CDK14: variants seen among roughly 807,000 people sequenced by gnomAD.
The protein encoded by CDK14 is cyclin dependent kinase 14, also known as cyclin-dependent kinase 14.
A neutral mutation model predicts 60.7 loss-of-function variants in CDK14; 34 were observed. The ratio of observed to expected loss-of-function variants is 0.56; its 90% confidence interval spans 0.43 to 0.75. The LOEUF is 0.75. Ranked by LOEUF, CDK14 falls within the 30% of genes least tolerant of loss-of-function variation. The pLI, the probability that CDK14 is intolerant of heterozygous loss-of-function variation, is 0.00. For missense variants in CDK14, 482 were observed against 564.1 expected (o/e 0.85, Z 1.47); for synonymous variants, 197 against 203.7 (o/e 0.97, Z 0.28).
chr7:90,738,199 A>G (rs1347191167), intron 3 of CDK14, among the ~76,000 whole-genome samples: 1 of 152,230 alleles, frequency 6.6e-6, no homozygotes, highest in Non-Finnish European at 1.5e-5. Flanking sequence ...TAGTTCTGCC[A>G]GTAACTATAG....
intron 14 of CDK14, among the ~76,000 whole-genome samples, chr7:91,187,602 GAC>G (rs1802229990): frequency 6.6e-6 from 1 of 152,162 alleles, no homozygotes; most frequent in African/African-American, 2.4e-5. Context: ...TAAGGACACA[GAC>G]ACACACGAGG....
chr7:91,177,621 A>G (rs1156483761), intron 14 of CDK14, among the ~76,000 whole-genome samples: 2 of 152,002 alleles, frequency 1.3e-5, no homozygotes, highest in Admixed American at 6.6e-5. Context: ...GTCTCAGGAT[A>G]CAAAATCAAC....
intron 12 of CDK14, among the ~76,000 whole-genome samples, chr7:91,111,275 A>G (rs1799461629): frequency 6.6e-6 from 1 of 152,182 alleles, no homozygotes; most frequent in Non-Finnish European, 1.5e-5. Context: ...ACAATTTGAA[A>G]TAAATACTAA....
At position 90,899,428 on chromosome 7, in the gene CDK14, A is replaced by T. The variant is rs926025814; in HGVS notation, c.702+75A>T. The T allele has an allele frequency of 6.4e-6, 7 of 1,098,998 alleles. 1 individual carries two copies. The Middle Eastern group carries it at 1.2e-3, about 196-fold the overall frequency. The allele number at this position is 1,098,998 out of a possible 1,614,324, so 68.1% of individuals were successfully genotyped here. On this transcript the variant is annotated intron_variant, in intron 7 of 14. Coordinates refer to ENST00000380050, the MANE Select transcript of CDK14 (RefSeq NM_001287135.2). The stretch of plus-strand genomic sequence containing the variant: ...TTTTGAACTGAAGTCTAGCATCTCT[A>T]CCATAACATATTTAAATTTTTTAAA...
At chr7:91,155,533 A>G (rs1047765568) in intron 14 of CDK14, among the ~76,000 whole-genome samples, 1 of 152,218 alleles carries the variant, frequency 6.6e-6, no homozygotes, top group Non-Finnish European at 1.5e-5. Flanking sequence ...ACATTTTAAG[A>G]AAACTTGTGA....
chr7:90,596,796 C>T, intron 1 of CDK14, 78 bp downstream of exon 1: 1 of 1,226,556 alleles, frequency 8.2e-7, no homozygotes, highest in African/African-American at 1.5e-5. Context: ...CTGGCACCAG[C>T]CATGCAGCTG....
At chr7:91,023,115 C>T (rs1017501218) in intron 10 of CDK14, among the ~76,000 whole-genome samples, 4 of 152,072 alleles carry the variant, frequency 2.6e-5, no homozygotes, top group Non-Finnish European at 4.4e-5. Context: ...TTGATTTCCT[C>T]ATGCTACTGA....
intron 2 of CDK14, among the ~76,000 whole-genome samples, chr7:90,635,140 A>G (rs1310903437): frequency 6.6e-6 from 1 of 152,058 alleles, no homozygotes; most frequent in East Asian, 1.9e-4. Context: ...TAGTTTAATT[A>G]GATCCCATTT....
intron 10 of CDK14, among the ~76,000 whole-genome samples, chr7:91,016,376 C>T (rs1488452802): frequency 2.0e-5 from 3 of 152,136 alleles, no homozygotes; most frequent in Non-Finnish European, 2.9e-5. Context: ...TCAATTTAGA[C>T]GGTCCTAAAC....
intron 4 of CDK14, among the ~76,000 whole-genome samples, chr7:90,758,086 G>C (rs1164510105): frequency 6.6e-6 from 1 of 152,170 alleles, no homozygotes; most frequent in Non-Finnish European, 1.5e-5. Context: ...TAGTGAGCTT[G>C]GCTTCTAACA....
intron 2 of CDK14, among the ~76,000 whole-genome samples, chr7:90,615,080 A>T (rs868525737): frequency 6.6e-6 from 1 of 152,200 alleles, no homozygotes; most frequent in African/African-American, 2.4e-5. Flanking sequence ...TAGCTACTCT[A>T]AATTCTATGA....
intron 14 of CDK14, among the ~76,000 whole-genome samples, chr7:91,138,954 G>A (rs1346608251): frequency 2.6e-5 from 4 of 152,130 alleles, no homozygotes; most frequent in Non-Finnish European, 4.4e-5. Context: ...TCCATGTGAT[G>A]GAAGCCAGGT....
At chr7:91,005,519 T>A (rs1378846280) in intron 10 of CDK14, among the ~76,000 whole-genome samples, 1 of 152,240 alleles carries the variant, frequency 6.6e-6, no homozygotes, top group Non-Finnish European at 1.5e-5. Context: ...TTTATTTTTT[T>A]AAATCACACA....
rs1276450666 is a variant in CDK14, at chr7:91,063,307, G to A, written c.1106-16125G>A. On this transcript the variant is annotated intron_variant, in intron 11 of 14. Transcript: ENST00000380050. ...ATATAGGAGAAAGAAAAAAAACTTCGTTTCCAATACTTAAGATGGAAGCAC... is the reference window on the plus strand; with the variant it reads ...ATATAGGAGAAAGAAAAAAAACTTCATTTCCAATACTTAAGATGGAAGCAC... Among the ~76,000 whole-genome samples the A allele has an allele frequency of 3.9e-5, 6 of 152,224 alleles. No homozygotes were observed. The South Asian group carries it at 6.2e-4, about 16-fold the overall frequency.
In CDK14 at chr7:91,064,414, CA is replaced by C. The variant is rs542480392; in HGVS notation, c.1106-15016del. The stretch of plus-strand genomic sequence containing the variant: ...AGCTGTGTAATGTGGACAAATTGGT[CA>C]ATGTCTCTGTACCATTTCACCATGT... On this transcript the variant is annotated intron_variant, in intron 11 of 14. Transcript: ENST00000380050. Among the ~76,000 whole-genome samples the C allele has an allele frequency of 4.6e-5, 7 of 152,308 alleles. No homozygotes were observed. The East Asian group carries it at 1.3e-3, about 29-fold the overall frequency.
At chr7:90,677,308 T>G (rs1452442158) in intron 2 of CDK14, among the ~76,000 whole-genome samples, 10 of 152,190 alleles carry the variant, frequency 6.6e-5, no homozygotes, top group Admixed American at 6.5e-4. Context: ...CCCTCCTAAA[T>G]TTATTGGTTC....
chr7:91,177,561 C>A (rs1584174220), intron 14 of CDK14, among the ~76,000 whole-genome samples: 1 of 152,064 alleles, frequency 6.6e-6, no homozygotes, highest in African/African-American at 2.4e-5. Context: ...CTAGAAAACC[C>A]CATTGTCTCA....
At chr7:90,898,539 A>G (rs1282468713) in intron 6 of CDK14, among the ~76,000 whole-genome samples, 2 of 152,030 alleles carry the variant, frequency 1.3e-5, no homozygotes, top group Non-Finnish European at 2.9e-5. Context: ...CTTATAGTAC[A>G]CTCCAATAAA....
intron 5 of CDK14, among the ~76,000 whole-genome samples, chr7:90,847,649 AT>A (rs1296283151): frequency 5.9e-5 from 9 of 152,284 alleles, no homozygotes; most frequent in South Asian, 4.1e-4. Context: ...AGAGAACTAT[AT>A]TTTTAAATAT....
Sources: allele counts gnomAD v4.1 joint callset (sites outside exome capture counted in the v4.1 genomes callset), GRCh38; gene constraint gnomAD v4.1.1; transcripts MANE v1.5; gene names NCBI Gene and HGNC (gene_info 2026-07-23, HGNC 2026-07-21).